The following BMPER variants were observed in gnomAD, a reference collection of about 807,000 sequenced individuals.
BMPER encodes the protein BMP binding endothelial regulator.
BMPER carries 45 observed loss-of-function variants against 87.3 expected under a neutral mutation model. The observed-to-expected ratio is 0.52, with a 90% confidence interval of 0.41 to 0.66. The LOEUF is 0.66. BMPER is among the 30% of genes least tolerant of loss of function. BMPER has a pLI of 0.00. For synonymous variants in BMPER, 326 were observed against 316.2 expected (o/e 1.03, Z -0.33); for missense variants, 784 against 867.5 (o/e 0.90, Z 1.21).
intron 6 of BMPER, among the ~76,000 whole-genome samples, chr7:34,002,466 T>G (rs1786607376): frequency 6.6e-6 from 1 of 151,790 alleles, no homozygotes; most frequent in Non-Finnish European, 1.5e-5. Context: ...TTTAATGATT[T>G]TCAACTTATG....
At chr7:34,110,956 G>A (rs1789946506) in intron 13 of BMPER, among the ~76,000 whole-genome samples, 1 of 152,126 alleles carries the variant, frequency 6.6e-6, no homozygotes, top group African/African-American at 2.4e-5. Context: ...GATGGCTTTT[G>A]CCCTTAAAAT....
intron 6 of BMPER, among the ~76,000 whole-genome samples, chr7:34,042,132 A>G (rs1787848288): frequency 6.6e-6 from 1 of 152,212 alleles, no homozygotes; most frequent in African/African-American, 2.4e-5. Context: ...ACATAAAGCA[A>G]TTGTGTTCTT....
intron 13 of BMPER, among the ~76,000 whole-genome samples, chr7:34,139,379 T>C (rs563575064): frequency 6.6e-6 from 1 of 152,364 alleles, no homozygotes; most frequent in African/African-American, 2.4e-5. Flanking sequence ...TCCCATTCTT[T>C]ACTTTCCCAC....
chr7:34,062,635 G>A (rs952601264), intron 11 of BMPER, among the ~76,000 whole-genome samples: 3 of 152,178 alleles, frequency 2.0e-5, no homozygotes, highest in African/African-American at 7.2e-5. Flanking sequence ...TGATTTTGTT[G>A]TTGTGTGAAT....
intron 6 of BMPER, among the ~76,000 whole-genome samples, chr7:34,007,139 G>A (rs6951218): frequency 0.077 from 11,654 of 151,956 alleles, 444 homozygotes; most frequent in Middle Eastern, 0.096. Context: ...AAAATCATAG[G>A]ACCTTAGCAT....
chr7:34,119,237 A>G lies in BMPER; in HGVS notation c.1746-23993A>G, dbSNP rs528773983. The stretch of plus-strand genomic sequence containing the variant: ...GTTAAATGTTAAGATTGCATGTGCC[A>G]GGGTACCCACGTAGTACCCACAGCA... On this transcript the variant is annotated intron_variant, in intron 13 of 14. Transcript: ENST00000649409. 2.0e-5 allele frequency among the ~76,000 whole-genome samples: 3 copies of G among 152,326 alleles called. No individual in the cohort carries two copies. The East Asian group carries it at 5.8e-4, about 29-fold the overall frequency.
intron 3 of BMPER, among the ~76,000 whole-genome samples, chr7:33,962,757 G>A (rs914619703): frequency 1.3e-5 from 2 of 151,968 alleles, no homozygotes; most frequent in Non-Finnish European, 2.9e-5. Flanking sequence ...TTTGTCACTA[G>A]AAGAAAACTA....
At chr7:34,016,852 A>G (rs1404121731) in intron 6 of BMPER, among the ~76,000 whole-genome samples, 3 of 151,914 alleles carry the variant, frequency 2.0e-5, no homozygotes, top group Non-Finnish European at 2.9e-5. Flanking sequence ...TTTAATACAC[A>G]TTTATTGTAA....
intron 3 of BMPER, among the ~76,000 whole-genome samples, chr7:33,953,231 A>G (rs1785068954): frequency 6.6e-6 from 1 of 152,274 alleles, no homozygotes; most frequent in African/African-American, 2.4e-5. Flanking sequence ...GCAAGGCCAC[A>G]CAGAGGAGCT....
chr7:33,920,016 T>C (rs1373259805), intron 2 of BMPER, among the ~76,000 whole-genome samples: 1 of 152,168 alleles, frequency 6.6e-6, no homozygotes, highest in Non-Finnish European at 1.5e-5. Context: ...ATCATTAGAA[T>C]CTTAGATGAA....
At chr7:33,941,090 AT>A (rs1164447119) in intron 3 of BMPER, among the ~76,000 whole-genome samples, 17 of 134,938 alleles carry the variant, frequency 1.3e-4, no homozygotes, top group East Asian at 2.0e-4. Context: ...TTTATATATA[AT>A]TTATATGTAA....
chr7:33,923,833 C>G (rs1298918483), intron 2 of BMPER, among the ~76,000 whole-genome samples: 1 of 152,152 alleles, frequency 6.6e-6, no homozygotes, highest in Middle Eastern at 3.4e-3. Context: ...GGTGGATCTT[C>G]CTTATCTTTT....
Position 33,924,537 on chromosome 7 carries a change from T to C in BMPER, c.220-12752T>C, listed in dbSNP as rs980974161. Among the ~76,000 whole-genome samples, 6 of 152,296 alleles carry C rather than the reference T, an allele frequency of 3.9e-5. No homozygotes were observed. In the South Asian group the frequency reaches 1.2e-3, roughly 32 times the overall value. ...TACTCCTACGGGATACCCAACCCCC[T>C]CTCCACTGGAGCTTTGCTCTTTCCA... On this transcript the variant is annotated intron_variant, in intron 2 of 14. Transcript: ENST00000649409.
chr7:33,955,001 G>A (rs1199411590), intron 3 of BMPER, among the ~76,000 whole-genome samples: 4 of 152,138 alleles, frequency 2.6e-5, no homozygotes, highest in South Asian at 2.1e-4. Context: ...GGGTTCAAGC[G>A]ATTCTCCTGC....
rs925046821 is a variant in BMPER, at chr7:34,087,397, G to T, written c.1745+1305G>T. Among the ~76,000 whole-genome samples the T allele has an allele frequency of 6.6e-5, 10 of 152,176 alleles. No individual in the cohort carries two copies. The East Asian group carries it at 1.7e-3, about 26-fold the overall frequency. The stretch of plus-strand genomic sequence containing the variant: ...GGAATCTAAAAACCCTCACTTGAAG[G>T]TCTGATGGAAAGCAGTAGAATATAG... On this transcript the variant is annotated intron_variant, in intron 13 of 14. Transcript: ENST00000649409.
chr7:33,913,502 G>A (rs1206028457), intron 2 of BMPER, among the ~76,000 whole-genome samples: 2 of 152,174 alleles, frequency 1.3e-5, no homozygotes, highest in Admixed American at 6.5e-5. Flanking sequence ...GTGGTCAGGT[G>A]AGAGCAAGCA....
intron 12 of BMPER, among the ~76,000 whole-genome samples, chr7:34,084,125 GA>G (rs1789134402): frequency 6.6e-6 from 1 of 151,896 alleles, no homozygotes; most frequent in Non-Finnish European, 1.5e-5. Flanking sequence ...CCAACACAGT[GA>G]AACCCTGTCT....
rs751109389 is a variant in BMPER at position 34,062,075 on chromosome 7, A to G, written c.1078+28A>G. On this transcript the variant is annotated intron_variant, in intron 11 of 14. Transcript: ENST00000649409. The stretch of plus-strand genomic sequence containing the variant: ...AAGTTTATTCCTTTGAAAATGTGCT[A>G]TTAGTATTTGTTTTGCATTTTATAG... The G allele has an allele frequency of 3.5e-5, 56 of 1,596,228 alleles. No homozygotes were observed. In the South Asian group the frequency reaches 5.0e-4, roughly 14 times the overall value.
intron 6 of BMPER, among the ~76,000 whole-genome samples, chr7:33,977,649 T>G (rs1435631350): frequency 6.6e-6 from 1 of 152,108 alleles, no homozygotes; most frequent in Non-Finnish European, 1.5e-5. Context: ...AATAGAAAGA[T>G]ATATATAGAG....
Sources: gnomAD v4.1 joint callset for allele counts (sites outside exome capture counted in the v4.1 genomes callset) on GRCh38, gnomAD v4.1.1 for gene constraint, MANE v1.5 for transcripts, NCBI Gene and HGNC (gene_info 2026-07-23, HGNC 2026-07-21) for gene names.